Variants in PLD5 observed in about 807,000 individuals in gnomAD.
PLD5 encodes the protein inactive phospholipase D5.
PLD5 carries 36 observed loss-of-function variants against 61.1 expected under a neutral mutation model. The ratio of observed to expected loss-of-function variants is 0.59; its 90% CI spans 0.45 to 0.78. The LOEUF (loss-of-function observed/expected upper bound fraction) is 0.78. Among genes scored for constraint, PLD5 ranks in the 30% least tolerant of loss-of-function variants. The pLI is 0.00. For missense variants in PLD5, 515 were observed against 644.4 expected (o/e 0.80, Z 2.17); for synonymous variants, 243 against 242.8 (o/e 1.00, Z -0.01).
At chr1:242,461,080 G>T (rs916813262) in intron 1 of PLD5, among the ~76,000 whole-genome samples, 61 of 152,194 alleles carry the variant, frequency 4.0e-4, no homozygotes, top group African/African-American at 1.4e-3. Flanking sequence ...GGCAGAGGTT[G>T]CAGTGAGCCA....
intron 1 of PLD5, among the ~76,000 whole-genome samples, chr1:242,482,954 A>C (rs1338449852): frequency 2.0e-5 from 3 of 151,948 alleles, no homozygotes; most frequent in Non-Finnish European, 2.9e-5. Flanking sequence ...TATCCAGCCA[A>C]ACTAAGCTTC....
chr1:242,132,199 G>T (rs961731211), intron 5 of PLD5, among the ~76,000 whole-genome samples: 4 of 97,924 alleles, frequency 4.1e-5, no homozygotes. Flanking sequence ...TTGCGGGGGG[G>T]GGGGGGGGCG....
chr1:242,137,925 G>C (rs916611337), intron 5 of PLD5, among the ~76,000 whole-genome samples: 1 of 152,156 alleles, frequency 6.6e-6, no homozygotes, highest in Admixed American at 6.5e-5. Context: ...TAATTATTCA[G>C]TTCTTTCCAC....
intron 5 of PLD5, among the ~76,000 whole-genome samples, chr1:242,213,549 A>G (rs1009952843): frequency 2.2e-4 from 33 of 152,010 alleles, no homozygotes; most frequent in Admixed American, 1.3e-3. Flanking sequence ...AAATACTAGC[A>G]ACTTACACAC....
At chr1:242,370,601 T>C (rs1456213031) in intron 1 of PLD5, among the ~76,000 whole-genome samples, 1 of 152,162 alleles carries the variant, frequency 6.6e-6, no homozygotes, top group Non-Finnish European at 1.5e-5. Flanking sequence ...CTTCCTTCCA[T>C]GCACACCTCA....
rs561877561 is a variant in PLD5 at position 242,108,377 on chromosome 1, G to C, written c.1071-538C>G. ...TCCCCTGCCTTCCACGTTTTCTGCAGGGTCTTTGGAATCTTCCAACAGGCA... is the reference window on the plus strand; with the variant it reads ...TCCCCTGCCTTCCACGTTTTCTGCACGGTCTTTGGAATCTTCCAACAGGCA... On this transcript the variant is annotated intron_variant, in intron 7 of 9. Coordinates refer to ENST00000536534, the MANE Select transcript of PLD5 (RefSeq NM_001372062.1). Among the ~76,000 whole-genome samples, 9 of 152,178 alleles carry C rather than the reference G, an allele frequency of 5.9e-5. No homozygotes were observed. The South Asian group carries it at 1.7e-3, about 28-fold the overall frequency.
chr1:242,132,353 C>T (rs1273510378), intron 5 of PLD5, among the ~76,000 whole-genome samples: 1 of 152,042 alleles, frequency 6.6e-6, no homozygotes, highest in African/African-American at 2.4e-5. Context: ...TAGCACCGTT[C>T]TTTGCTGTAA....
chr1:242,374,149 C>G (rs939001386), intron 1 of PLD5, among the ~76,000 whole-genome samples: 2 of 152,056 alleles, frequency 1.3e-5, no homozygotes, highest in African/African-American at 4.8e-5. Context: ...CTCTTTCAGT[C>G]ATTGATAGCA....
At chr1:242,466,370 G>A (rs1044306610) in intron 1 of PLD5, among the ~76,000 whole-genome samples, 1 of 152,106 alleles carries the variant, frequency 6.6e-6, no homozygotes, top group Non-Finnish European at 1.5e-5. Context: ...TAATAATAGT[G>A]ACTGCTAGTG....
intron 1 of PLD5, among the ~76,000 whole-genome samples, chr1:242,454,261 A>AG (rs1165884422): frequency 6.6e-6 from 1 of 151,376 alleles, no homozygotes. Flanking sequence ...TGAACCTGGG[A>AG]GGCAGAGGCT....
At chr1:242,150,322 A>G (rs1045414733) in intron 5 of PLD5, among the ~76,000 whole-genome samples, 1 of 151,746 alleles carries the variant, frequency 6.6e-6, no homozygotes, top group African/African-American at 2.4e-5. Context: ...GGTTAGGTCA[A>G]GTTGTTGACA....
At chr1:242,232,110 C>T (rs1017995033) in intron 4 of PLD5, among the ~76,000 whole-genome samples, 33 of 152,070 alleles carry the variant, frequency 2.2e-4, no homozygotes, top group Middle Eastern at 3.4e-3. Context: ...GAAAGACCTA[C>T]GTTTTAAAAT....
rs74152333 is a variant in PLD5, at chr1:242,311,317, C to A, written c.327-22787G>T. On this transcript the variant is annotated intron_variant, in intron 2 of 9. Transcript: ENST00000536534. ...AAAAGAAAAAATCCTCAAGCATTTT[C>A]AAGGAGTGCATCCATTGTGTAATGG... 9.5e-3 allele frequency among the ~76,000 whole-genome samples: 1,452 copies of A among 152,252 alleles called. 29 individuals are homozygous for A. Among genetic ancestry groups the A allele is most frequent in the African/African-American group, 0.034 (1,399 of 41,552 alleles).
intron 6 of PLD5, among the ~76,000 whole-genome samples, chr1:242,117,556 A>AT (rs1366290187): frequency 6.6e-6 from 1 of 151,804 alleles, no homozygotes; most frequent in Non-Finnish European, 1.5e-5. Context: ...TAATTTTTGT[A>AT]TTTTAGTAGA....
chr1:242,381,943 A>T (rs1389884023), intron 1 of PLD5, among the ~76,000 whole-genome samples: 2 of 152,172 alleles, frequency 1.3e-5, no homozygotes, highest in Non-Finnish European at 2.9e-5. Flanking sequence ...CCTATTCACC[A>T]GTTCAGAAAA....
chr1:242,103,043 A>G (rs1037389643), intron 8 of PLD5, among the ~76,000 whole-genome samples: 4 of 152,220 alleles, frequency 2.6e-5, no homozygotes, highest in African/African-American at 9.6e-5. Context: ...GGGGTCAAGA[A>G]ACAGTGGGTG....
chr1:242,525,237 G>A (rs1387065191), upstream of PLD5, among the ~76,000 whole-genome samples: 2 of 146,072 alleles, frequency 1.4e-5, no homozygotes, highest in African/African-American at 5.3e-5. Flanking sequence ...AAATACGCCC[G>A]GGGGCAGTAG....
At chr1:242,229,651 G>C (rs1170448190) in intron 4 of PLD5, among the ~76,000 whole-genome samples, 1 of 152,118 alleles carries the variant, frequency 6.6e-6, no homozygotes, top group Non-Finnish European at 1.5e-5. Context: ...GAATGGAACA[G>C]CTTTTTTATT....
chr1:242,243,200 G>A (rs762050213), intron 4 of PLD5, among the ~76,000 whole-genome samples: 1 of 152,250 alleles, frequency 6.6e-6, no homozygotes, highest in Non-Finnish European at 1.5e-5. Context: ...CGAGCGTAAA[G>A]GCTGAGCTGA....
Sources: gnomAD v4.1 joint callset for allele counts (sites outside exome capture counted in the v4.1 genomes callset) on GRCh38, gnomAD v4.1.1 for gene constraint, MANE v1.5 for transcripts, NCBI Gene and HGNC (gene_info 2026-07-23, HGNC 2026-07-21) for gene names.